Variants in ZNF547 observed in about 807,000 individuals in gnomAD.
The protein encoded by ZNF547 is zinc finger protein 547.
A neutral mutation model predicts 7.7 loss-of-function variants in ZNF547; 4 were observed. The ratio of observed to expected loss-of-function variants is 0.52; its 90% CI spans 0.26 to 1.20. The LOEUF is 1.20. ZNF547 is among the 50% of genes most tolerant of loss of function. ZNF547 has a pLI of 0.14. For missense variants in ZNF547, 449 were observed against 485.8 expected (o/e 0.92, Z 0.71); for synonymous variants, 166 against 166.2 (o/e 1.00, Z 0.01).
intron 3 of ZNF547, among the ~76,000 whole-genome samples, chr19:57,374,920 C>T (rs1293964035): frequency 6.6e-6 from 1 of 152,138 alleles, no homozygotes; most frequent in East Asian, 1.9e-4. Flanking sequence ...CTGTCTTCTG[C>T]TGAGCCCTCC....
intron 3 of ZNF547, 95 bp downstream of exon 3, chr19:57,372,003 G>A (rs11669820): frequency 0.94 from 1,365,865 of 1,455,598 alleles, 641,328 homozygotes; most frequent in African/African-American, 0.97. Context: ...GAGACCATGG[G>A]TGCTGCTTCT....
At position 57,377,819 on chromosome 19, in the gene ZNF547, A is replaced by G. The variant is rs1355142263; in HGVS notation, c.843A>G (p.Ser281=). ...SECGKFFKCN[S]NLFRHYRIHT... ...GTGGGAAGTTCTTTAAGTGCAACTC[A>G]AACCTCTTTAGGCATTACAGAATTC... Residue 281 remains serine, a synonymous_variant, in exon 4 of 4, where the codon TCA becomes TCG. Transcript: ENST00000282282. The G allele has an allele frequency of 6.2e-7, 1 of 1,613,686 alleles. No homozygotes were observed.
chr19:57,378,273 C>T lies in ZNF547; in HGVS notation c.*88C>T. On this transcript the variant is annotated 3_prime_UTR_variant, in exon 4 of 4. Transcript: ENST00000282282. ...GCAGGCAGTACACACTGGAGAAAGACTGAATGCCGTGAACGTGGGTAATTA... is the reference window on the plus strand; with the variant it reads ...GCAGGCAGTACACACTGGAGAAAGATTGAATGCCGTGAACGTGGGTAATTA... 8.1e-7 allele frequency: 1 copy of T among 1,234,012 alleles called. No homozygotes were observed. The highest frequency in any genetic ancestry group is 1.5e-5 in the African/African-American group (1 of 67,056). The allele number at this position is 1,234,012 out of a possible 1,614,324, so 76.4% of individuals were successfully genotyped here.
rs773463160 is a variant in ZNF547 at position 57,377,577 on chromosome 19, A to C, written c.601A>C (p.Arg201=). The change falls in exon 4 of 4, where the codon AGA becomes CGA. Residue 201 remains arginine (R), a synonymous_variant. Transcript: ENST00000282282. ...ILFMERSTLN[R]HQRTHTGERP... is the part of the protein sequence containing the mutation. ...GTTTATGGAAAGGTCCACACTCAAT[A>C]GACATCAGAGAACTCACACTGGAGA... 7 of 1,614,116 alleles carry C rather than the reference A, an allele frequency of 4.3e-6. No homozygotes were observed. Among genetic ancestry groups the C allele is most frequent in the Non-Finnish European group, 5.9e-6 (7 of 1,180,058 alleles).
Position 57,379,002 on chromosome 19 carries a change from G to T in ZNF547, c.*817G>T. On this transcript the variant is annotated 3_prime_UTR_variant, in exon 4 of 4. Coordinates refer to ENST00000282282, the MANE Select transcript of ZNF547 (RefSeq NM_173631.4). The stretch of plus-strand genomic sequence containing the variant: ...ATCCTCAAAGTTCATTCATTTTTTA[G>T]CATGTGTCAGAAATTTTAAGGCTGA... 1 of 172,834 alleles carries T rather than the reference G, an allele frequency of 5.8e-6. No homozygotes were observed. The allele number at this position is 172,834 out of a possible 1,614,324, so 10.7% of individuals were successfully genotyped here.
chr19:57,364,430 C>T, intron 1 of ZNF547: 1 of 271,820 alleles, frequency 3.7e-6, no homozygotes, highest in Non-Finnish European at 7.2e-6. Flanking sequence ...CAGAGGAGAA[C>T]TGGTGTAGAT....
rs1194714624 is a variant in ZNF547 at position 57,379,271 on chromosome 19, C to T, written c.*1086C>T. On this transcript the variant is annotated 3_prime_UTR_variant, in exon 4 of 4. Coordinates refer to ENST00000282282, the MANE Select transcript of ZNF547 (RefSeq NM_173631.4). ...CTGAGAAACTTTTCCATAAAACTTGCACCGTTTTACATTCCTAACATTCCA... is the reference window on the plus strand; with the variant it reads ...CTGAGAAACTTTTCCATAAAACTTGTACCGTTTTACATTCCTAACATTCCA... The T allele has an allele frequency of 6.6e-6, 1 of 152,268 alleles. No individual in the cohort carries two copies. The highest frequency in any genetic ancestry group is 1.5e-5 in the Non-Finnish European group (1 of 68,098). The allele number at this position is 152,268 out of a possible 1,614,324, so 9.4% of individuals were successfully genotyped here.
At position 57,378,053 on chromosome 19, in the gene ZNF547, G is replaced by C; in HGVS notation, c.1077G>C (p.Lys359Asn). Reference sequence around the variant, plus strand: ...CTTATGAATGCAGTGAGTGTGGGAAGGCCTTCCTTACAAAGTCCCACCTCA... The same window carrying C: ...CTTATGAATGCAGTGAGTGTGGGAACGCCTTCCTTACAAAGTCCCACCTCA... Reference protein sequence around the residue: ...ERPYECSECGKAFLTKSHLIC... With the variant: ...ERPYECSECGNAFLTKSHLIC... Residue 359 changes from lysine to asparagine, a missense_variant, in exon 4 of 4, where the codon AAG (lysine) becomes AAC (asparagine). By Grantham distance (94) the Lys-to-Asn change is moderately conservative. Transcript: ENST00000282282. 6.2e-7 allele frequency: 1 copy of C among 1,613,998 alleles called. No individual in the cohort carries two copies. Among genetic ancestry groups the C allele is most frequent in the Non-Finnish European group, 8.5e-7 (1 of 1,180,000 alleles).
Position 57,379,565 on chromosome 19 carries a change from A to G in ZNF547, c.*1380A>G, listed in dbSNP as rs2088560865. 6.6e-6 allele frequency: 1 copy of G among 152,198 alleles called. No individual in the cohort carries two copies. Among genetic ancestry groups the G allele is most frequent in the Non-Finnish European group, 1.5e-5 (1 of 68,032 alleles). The allele number at this position is 152,198 out of a possible 1,614,324, so 9.4% of individuals were successfully genotyped here. ...AAACAGAAATCTTTGCAAAATACCA[A>G]TTGCATTCTGTAGCCCTTGGATCAT... On this transcript the variant is annotated 3_prime_UTR_variant, in exon 4 of 4. Transcript: ENST00000282282.
Position 57,379,022 on chromosome 19 carries a change from G to T in ZNF547, c.*837G>T. On this transcript the variant is annotated 3_prime_UTR_variant, in exon 4 of 4. Transcript: ENST00000282282. ...TTTTAGCATGTGTCAGAAATTTTAA[G>T]GCTGAGCAATATTTCATTGTTTGCA... 1.7e-5 allele frequency: 3 copies of T among 179,268 alleles called. No homozygotes were observed. Among genetic ancestry groups the T allele is most frequent in the Non-Finnish European group, 3.5e-5 (3 of 84,548 alleles). The allele number at this position is 179,268 out of a possible 1,614,324, so 11.1% of individuals were successfully genotyped here.
At chr19:57,364,494 G>A in intron 1 of ZNF547, 1 of 369,124 alleles carries the variant, frequency 2.7e-6, no homozygotes, top group Non-Finnish European at 5.1e-6. Context: ...GGTAATCCCA[G>A]CACTTTGGGA....
At chr19:57,363,873 G>A (rs756584326) in intron 1 of ZNF547, 170 bp downstream of exon 1, 1 of 152,346 alleles carries the variant, frequency 6.6e-6, no homozygotes, top group Non-Finnish European at 1.5e-5. Flanking sequence ...CTCCCTTCGG[G>A]GATCTCAGGT....
rs2285604 is a variant in ZNF547, at chr19:57,363,586, C to G, written c.-130C>G. On this transcript the variant is annotated 5_prime_UTR_variant, in exon 1 of 4. Transcript: ENST00000282282. ...GCGGTAGTGACACAGGCACAACTGA[C>G]AGTGGCAGAAGCTCAGCTGACAAGG... The G allele has an allele frequency of 0.49, 75,243 of 152,792 alleles. 19,388 individuals are homozygous for G. Among genetic ancestry groups the G allele is most frequent in the East Asian group, 0.67 (3,444 of 5,168 alleles). 9.5% of individuals were successfully genotyped at this position (152,792 alleles called of 1,614,324 possible). A position where few individuals can be genotyped will look rare whatever the true frequency, so the allele number is the denominator to read the frequency against.
intron 3 of ZNF547, among the ~76,000 whole-genome samples, chr19:57,375,067 C>T (rs904846091): frequency 6.6e-6 from 1 of 152,104 alleles, no homozygotes; most frequent in Non-Finnish European, 1.5e-5. Context: ...AAGAAATACC[C>T]TGGCTGGGCA....
intron 3 of ZNF547, among the ~76,000 whole-genome samples, chr19:57,372,349 C>T (rs529508280): frequency 2.0e-5 from 3 of 152,150 alleles, no homozygotes; most frequent in Non-Finnish European, 4.4e-5. Context: ...TGGTGATTAT[C>T]GAATGTGAGA....
intron 3 of ZNF547, among the ~76,000 whole-genome samples, chr19:57,375,080 G>A (rs1390302077): frequency 1.3e-5 from 2 of 152,194 alleles, no homozygotes; most frequent in East Asian, 3.9e-4. Flanking sequence ...GCTGGGCACA[G>A]TGGCTCACTC....
rs112341705 is a variant in ZNF547, at chr19:57,377,376, T to C, written c.400T>C (p.Ser134Pro). ...HQKEQIREKL[S>P]RGDGGRPTFV... The stretch of plus-strand genomic sequence containing the variant: ...AAAGGAGCAGATTAGAGAGAAACTT[T>C]CTAGAGGGGATGGAGGAAGACCGAC... The change falls in exon 4 of 4, where the codon TCT (serine) becomes CCT (proline). Residue 134 changes from serine to proline, a missense_variant. Physicochemically the swap from Ser to Pro is moderately conservative, Grantham distance 74. Coordinates refer to ENST00000282282, the MANE Select transcript of ZNF547 (RefSeq NM_173631.4). 60 of 1,614,046 alleles carry C rather than the reference T, an allele frequency of 3.7e-5. 1 individual carries two copies. In the African/African-American group the frequency reaches 4.9e-4, roughly 13 times the overall value.
intron 1 of ZNF547, among the ~76,000 whole-genome samples, chr19:57,366,168 AT>A (rs2088468140): frequency 7.1e-6 from 1 of 141,500 alleles, no homozygotes; most frequent in Non-Finnish European, 1.5e-5. Flanking sequence ...TGGCCATGAA[AT>A]ATTTTTTACT....
chr19:57,369,671 G>A (rs2088491886), intron 2 of ZNF547, among the ~76,000 whole-genome samples: 1 of 151,918 alleles, frequency 6.6e-6, no homozygotes, highest in Admixed American at 6.6e-5. Flanking sequence ...TGTTTGTGGG[G>A]ATGAGTGTAT....
Sources: gnomAD v4.1 joint callset for allele counts (sites outside exome capture counted in the v4.1 genomes callset) on GRCh38, gnomAD v4.1.1 for gene constraint, MANE v1.5 for transcripts, NCBI Gene and HGNC (gene_info 2026-07-23, HGNC 2026-07-21) for gene names.